The following CRYL1 variants were observed in gnomAD, a reference collection of about 807,000 sequenced individuals.
The protein encoded by CRYL1 is crystallin lambda 1, also known as lambda-crystallin homolog.
A neutral mutation model predicts 36.6 loss-of-function variants in CRYL1; 29 were observed. That is an observed-to-expected ratio of 0.79 (90% CI 0.59 to 1.08). CRYL1 has a LOEUF of 1.08. CRYL1 is among the 50% of genes least tolerant of loss of function. The pLI is 0.00. For missense variants in CRYL1, 411 were observed against 407.9 expected (o/e 1.01, Z -0.06); for synonymous variants, 152 against 151.5 (o/e 1.00, Z -0.02).
intron 5 of CRYL1, among the ~76,000 whole-genome samples, chr13:20,421,494 T>C (rs1393956847): frequency 6.6e-6 from 1 of 152,186 alleles, no homozygotes; most frequent in Non-Finnish European, 1.5e-5. Flanking sequence ...TGATGGCCCA[T>C]AGGGCTCCAG....
In CRYL1 at chr13:20,510,908, G is replaced by A. The variant is rs142150038; in HGVS notation, c.149+1535C>T. Among the ~76,000 whole-genome samples the A allele has an allele frequency of 1.7e-3, 253 of 150,234 alleles. 7 individuals carry two copies. The South Asian group carries it at 0.044, about 26-fold the overall frequency. On this transcript the variant is annotated intron_variant, in intron 2 of 7. Coordinates refer to ENST00000298248, the MANE Select transcript of CRYL1 (RefSeq NM_015974.3). ...AGATTACTAGGCCACAAGCTCCGTG[G>A]CAAAAAAAAAGACTGTGTCTACATT...
At chr13:20,468,709 G>A (rs943861720) in intron 3 of CRYL1, among the ~76,000 whole-genome samples, 1 of 152,138 alleles carries the variant, frequency 6.6e-6, no homozygotes, top group Non-Finnish European at 1.5e-5. Context: ...GGGTTCGAGT[G>A]ATTCTCCTGC....
At chr13:20,431,985 T>C in intron 5 of CRYL1, 117 bp downstream of exon 5, 1 of 1,570,494 alleles carries the variant, frequency 6.4e-7, no homozygotes, top group Non-Finnish European at 8.6e-7. Context: ...AGCCTCTGAC[T>C]TTCCCAGCTT....
At chr13:20,450,757 C>A (rs2032553191) in intron 3 of CRYL1, among the ~76,000 whole-genome samples, 1 of 152,200 alleles carries the variant, frequency 6.6e-6, no homozygotes, top group Non-Finnish European at 1.5e-5. Flanking sequence ...AAGACACATG[C>A]ACACACATGT....
intron 2 of CRYL1, among the ~76,000 whole-genome samples, chr13:20,510,032 G>A (rs2033885356): frequency 6.6e-6 from 1 of 152,234 alleles, no homozygotes; most frequent in Non-Finnish European, 1.5e-5. Context: ...AGGATATGGA[G>A]CAATGGGATC....
chr13:20,436,040 C>T (rs1415278014), intron 4 of CRYL1, among the ~76,000 whole-genome samples: 3 of 152,238 alleles, frequency 2.0e-5, no homozygotes, highest in Non-Finnish European at 4.4e-5. Flanking sequence ...AGACAGCAAG[C>T]CCATACATCC....
chr13:20,521,233 G>C (rs1460220736), intron 1 of CRYL1, among the ~76,000 whole-genome samples: 1 of 151,904 alleles, frequency 6.6e-6, no homozygotes, highest in East Asian at 1.9e-4. Context: ...ATCAGTAAGA[G>C]GCACTATACT....
rs114743192 is a variant in CRYL1 at position 20,411,045 on chromosome 13, G to A, written c.739+2237C>T. On this transcript the variant is annotated intron_variant, in intron 6 of 7. Coordinates refer to ENST00000298248, the MANE Select transcript of CRYL1 (RefSeq NM_015974.3). ...AATAAATCCTAAAATATTTGCACTA[G>A]TTCTAGATAAATGGTAGCTTTTCAG... is the stretch of plus-strand genomic sequence containing the variant. 6.7e-3 allele frequency among the ~76,000 whole-genome samples: 1,023 copies of A among 152,294 alleles called. 17 individuals are homozygous for A. Among genetic ancestry groups the A allele is most frequent in the African/African-American group, 0.024 (978 of 41,546 alleles).
At chr13:20,460,587 GCT>G (rs1565971790) in intron 3 of CRYL1, among the ~76,000 whole-genome samples, 4 of 127,504 alleles carry the variant, frequency 3.1e-5, no homozygotes, top group African/African-American at 1.2e-4. Flanking sequence ...GTGCAGTGGC[GCT>G]ATCTCGGCTC....
intron 6 of CRYL1, among the ~76,000 whole-genome samples, chr13:20,407,973 C>CT (rs2031420717): frequency 6.6e-6 from 1 of 152,180 alleles, no homozygotes; most frequent in Non-Finnish European, 1.5e-5. Flanking sequence ...GCATCAGCTC[C>CT]TTGGAGAGCC....
At chr13:20,478,271 CT>C (rs963153559) in intron 3 of CRYL1, among the ~76,000 whole-genome samples, 1 of 152,030 alleles carries the variant, frequency 6.6e-6, no homozygotes, top group Non-Finnish European at 1.5e-5. Flanking sequence ...ACTTAACAGA[CT>C]TTATAAAATT....
chr13:20,427,371 C>T, intron 5 of CRYL1: 3 of 946,252 alleles, frequency 3.2e-6, no homozygotes, highest in Non-Finnish European at 3.8e-6. Context: ...TCCTTCACTC[C>T]CTTGGCTATC....
intron 6 of CRYL1, among the ~76,000 whole-genome samples, chr13:20,411,494 G>A (rs983846179): frequency 6.6e-6 from 1 of 152,092 alleles, no homozygotes; most frequent in Non-Finnish European, 1.5e-5. Context: ...AAAAAAAAGG[G>A]AGAAAGAAAA....
At chr13:20,445,250 G>A (rs921292582) in intron 3 of CRYL1, among the ~76,000 whole-genome samples, 1 of 152,096 alleles carries the variant, frequency 6.6e-6, no homozygotes, top group Non-Finnish European at 1.5e-5. Context: ...TACCTATGAG[G>A]TAACTGTTTA....
intron 2 of CRYL1, among the ~76,000 whole-genome samples, chr13:20,490,041 A>T (rs2033478674): frequency 6.6e-6 from 1 of 152,216 alleles, no homozygotes; most frequent in East Asian, 1.9e-4. Context: ...TAAGCCAGTC[A>T]CAAAAGGAAA....
chr13:20,474,642 T>C (rs945603759), intron 3 of CRYL1, among the ~76,000 whole-genome samples: 1 of 152,090 alleles, frequency 6.6e-6, no homozygotes, highest in Non-Finnish European at 1.5e-5. Flanking sequence ...AGAAATAAAA[T>C]GCTCCTGGCC....
At chr13:20,462,135 A>T (rs1440984658) in intron 3 of CRYL1, among the ~76,000 whole-genome samples, 2 of 28,998 alleles carry the variant, frequency 6.9e-5, no homozygotes, top group African/African-American at 1.2e-4. Flanking sequence ...GGAGGGATGG[A>T]GTGGGAGGAG....
intron 4 of CRYL1, 51 bp downstream of exon 4, chr13:20,439,542 A>AC (rs2032308193): frequency 7.2e-7 from 1 of 1,397,542 alleles, no homozygotes; most frequent in Non-Finnish European, 9.6e-7. Context: ...AAAAAAAAAA[A>AC]ACACAGAATG....
chr13:20,431,073 G>A (rs768290868), intron 5 of CRYL1: 37 of 985,326 alleles, frequency 3.8e-5, no homozygotes, highest in Non-Finnish European at 4.1e-5. Context: ...GTCAGACAAT[G>A]TACCTAACGG....
Sources: gnomAD v4.1 joint callset for allele counts (sites outside exome capture counted in the v4.1 genomes callset) on GRCh38, gnomAD v4.1.1 for gene constraint, MANE v1.5 for transcripts, NCBI Gene and HGNC (gene_info 2026-07-23, HGNC 2026-07-21) for gene names.